LDB3: variants seen among roughly 807,000 people sequenced by gnomAD.
LDB3 encodes the protein LIM domain-binding protein 3.
Under a neutral mutation model 69.0 loss-of-function variants are expected in LDB3, and 49 were observed. The ratio of observed to expected loss-of-function variants is 0.71; its 90% CI spans 0.56 to 0.90. The LOEUF is 0.90. Among genes scored for constraint, LDB3 ranks in the 40% least tolerant of loss-of-function variants. The pLI is 0.00. For synonymous variants in LDB3, 387 were observed against 396.2 expected, an observed-to-expected ratio of 0.98 and a Z score of 0.28; for missense variants, 928 against 974.1, an observed-to-expected ratio of 0.95 and a Z score of 0.63.
chr10:86,711,902 A>G (rs1310432335), intron 9 of LDB3, among the ~76,000 whole-genome samples: 2 of 151,652 alleles, frequency 1.3e-5, no homozygotes, highest in Non-Finnish European at 2.9e-5. Context: ...TTAATTACAT[A>G]TCCCCGAGCC....
At chr10:86,732,003 CTTTTTCTTTTTTTT>C (rs1414629603) in intron 13 of LDB3, among the ~76,000 whole-genome samples, 1 of 123,222 alleles carries the variant, frequency 8.1e-6, no homozygotes, top group Admixed American at 7.9e-5. Flanking sequence ...TTCTTTCTTT[CTTTTTCTTTTTTTT>C]TTTTTTTGGT....
At chr10:86,696,824 G>A (rs1442115982) in intron 7 of LDB3, among the ~76,000 whole-genome samples, 1 of 152,206 alleles carries the variant, frequency 6.6e-6, no homozygotes, top group Non-Finnish European at 1.5e-5. Context: ...ATGTGGCAAG[G>A]GAAGAAGACG....
upstream of LDB3, chr10:86,668,383 T>G: frequency 1.8e-4 from 81 of 450,986 alleles, no homozygotes; most frequent in Middle Eastern, 6.8e-4. Flanking sequence ...CCAGGGGCTA[T>G]ATTAGCCGTG....
intron 5 of LDB3, chr10:86,687,374 C>CT: frequency 1.7e-6 from 2 of 1,164,824 alleles, no homozygotes; most frequent in Non-Finnish European, 2.5e-6. Flanking sequence ...CACGTTGGAC[C>CT]TCCTGGAGGC....
chr10:86,717,034 A>G (rs546831129), intron 10 of LDB3, among the ~76,000 whole-genome samples: 127 of 152,306 alleles, frequency 8.3e-4, no homozygotes, highest in African/African-American at 2.9e-3. Context: ...TGGTGCCAGG[A>G]ACTCCCCCTT....
intron 9 of LDB3, among the ~76,000 whole-genome samples, chr10:86,711,589 G>C (rs1418906178): frequency 6.6e-6 from 1 of 151,866 alleles, no homozygotes; most frequent in African/African-American, 2.4e-5. Context: ...CAGGCTCTTC[G>C]GATCCGGGCG....
intron 9 of LDB3, among the ~76,000 whole-genome samples, chr10:86,711,307 CG>C (rs1332377619): frequency 1.3e-5 from 2 of 152,048 alleles, no homozygotes; most frequent in Non-Finnish European, 2.9e-5. Flanking sequence ...GCCCGCCCTG[CG>C]TCTCCTTCCT....
In LDB3 at chr10:86,709,125, T is replaced by C. The variant is rs374754685; in HGVS notation, c.1086-780T>C. Among the ~76,000 whole-genome samples the C allele has an allele frequency of 3.3e-5, 5 of 152,318 alleles. No individual in the cohort carries two copies. In the East Asian group the frequency reaches 7.7e-4, roughly 23 times the overall value. On this transcript the variant is annotated intron_variant, in intron 8 of 13. Transcript: ENST00000361373. The stretch of plus-strand genomic sequence containing the variant: ...AAAAGCATTTTACAAACAAATACAA[T>C]TGGGGAACACTGATCAGACAAGGCT...
intron 13 of LDB3, chr10:86,726,474 T>C: frequency 1.7e-6 from 1 of 580,816 alleles, no homozygotes. Flanking sequence ...ACTTTCCATT[T>C]CGTTAAGGAC....
chr10:86,711,523 G>A (rs1316172451), intron 9 of LDB3, among the ~76,000 whole-genome samples: 1 of 151,964 alleles, frequency 6.6e-6, no homozygotes, highest in African/African-American at 2.4e-5. Flanking sequence ...GCTGGCAGGC[G>A]GCCCCGTATG....
At chr10:86,687,780 T>C (rs1222328649) in intron 5 of LDB3, among the ~76,000 whole-genome samples, 1 of 152,256 alleles carries the variant, frequency 6.6e-6, no homozygotes, top group Middle Eastern at 3.2e-3. Flanking sequence ...AGCAATCCCC[T>C]TCTTTTTGCC....
chr10:86,706,662 C>A lies in LDB3; in HGVS notation c.1028C>A (p.Thr343Asn). The A allele has an allele frequency of 1.2e-6, 2 of 1,613,074 alleles. No individual in the cohort carries two copies. Among genetic ancestry groups the A allele is most frequent in the Non-Finnish European group, 1.7e-6 (2 of 1,179,864 alleles). ...CCCCTGGCCACAGCTGCTGCCCACA[C>A]TGCCATCGCCTCCGCCTCCACCACA... ...SPPLATAAAHTAIASASTTAP... is the reference protein window; with the variant it reads ...SPPLATAAAHNAIASASTTAP... The change falls in exon 8 of 14, where the codon ACT becomes AAT. Residue 343 changes from threonine (T) to asparagine (N), a missense_variant. Thr to Asn is a moderately conservative substitution (Grantham distance 65). Transcript: ENST00000361373.
At chr10:86,686,291 C>T (rs1215328078) in intron 5 of LDB3, among the ~76,000 whole-genome samples, 1 of 152,224 alleles carries the variant, frequency 6.6e-6, no homozygotes, top group Non-Finnish European at 1.5e-5. Flanking sequence ...CACGGAGAAA[C>T]CTTGCTCAGA....
chr10:86,704,803 C>T lies in LDB3; in HGVS notation c.897-1728C>T, dbSNP rs908936658. Among the ~76,000 whole-genome samples, 14 of 151,826 alleles carry T rather than the reference C, an allele frequency of 9.2e-5. No individual in the cohort carries two copies. In the South Asian group the frequency reaches 1.7e-3, roughly 18 times the overall value. ...TTCACTGTGTTAGCCAGGATGGTCT[C>T]GATCTCCTGACCTCGTGATCCGCCC... On this transcript the variant is annotated intron_variant, in intron 7 of 13. Transcript: ENST00000361373.
At chr10:86,677,506 G>A (rs972474904) in intron 2 of LDB3, among the ~76,000 whole-genome samples, 5 of 152,132 alleles carry the variant, frequency 3.3e-5, no homozygotes, top group Non-Finnish European at 5.9e-5. Context: ...ATTTGGCATC[G>A]TGCATGATGT....
intron 7 of LDB3, among the ~76,000 whole-genome samples, chr10:86,698,570 G>T (rs941456697): frequency 6.6e-6 from 1 of 152,222 alleles, no homozygotes; most frequent in African/African-American, 2.4e-5. Context: ...AGCAGGTGTG[G>T]CTTGAGCCCC....
intron 13 of LDB3, among the ~76,000 whole-genome samples, chr10:86,731,893 G>A (rs2132515292): frequency 6.6e-6 from 1 of 151,850 alleles, no homozygotes; most frequent in Non-Finnish European, 1.5e-5. Context: ...AAGGTGACAG[G>A]CCATTGAGGT....
intron 9 of LDB3, among the ~76,000 whole-genome samples, chr10:86,711,001 AG>A (rs1228766850): frequency 7.9e-5 from 12 of 152,312 alleles, no homozygotes; most frequent in African/African-American, 2.9e-4. Context: ...AGAAGGGGCA[AG>A]GATAGACGGT....
At chr10:86,697,773 C>T (rs914932463) in intron 7 of LDB3, among the ~76,000 whole-genome samples, 5 of 151,558 alleles carry the variant, frequency 3.3e-5, no homozygotes, top group African/African-American at 7.3e-5. Flanking sequence ...AGGCTAGTCT[C>T]AAACTCCTGA....
Sources: allele counts gnomAD v4.1 joint callset (sites outside exome capture counted in the v4.1 genomes callset), GRCh38; gene constraint gnomAD v4.1.1; transcripts MANE v1.5; gene names NCBI Gene and HGNC (gene_info 2026-07-23, HGNC 2026-07-21).